EPHA4: variants seen among roughly 807,000 people sequenced by gnomAD.
The protein encoded by EPHA4 is EPH receptor A4.
In EPHA4, 19 loss-of-function variants were observed where a neutral mutation model predicts 108.3. The observed-to-expected ratio is 0.18, with a 90% CI of 0.12 to 0.26. The LOEUF is 0.26. Among genes scored for constraint, EPHA4 ranks in the 10% least tolerant of loss-of-function variants. The pLI, the probability that EPHA4 is intolerant of heterozygous loss-of-function variation, is 1.00. For missense variants in EPHA4, 917 were observed against 1,254.0 expected, an observed-to-expected ratio of 0.73 and a Z score of 4.06; for synonymous variants, 449 against 455.5, an observed-to-expected ratio of 0.99 and a Z score of 0.18.
At chr2:221,523,039 A>T (rs189493169) in intron 3 of EPHA4, among the ~76,000 whole-genome samples, 48 of 152,264 alleles carry the variant, frequency 3.2e-4, no homozygotes, top group Middle Eastern at 6.8e-3. Flanking sequence ...CTGGGATTAC[A>T]GGTGTGAGCC....
chr2:221,470,692 T>C (rs1691456101), intron 5 of EPHA4, among the ~76,000 whole-genome samples: 1 of 151,974 alleles, frequency 6.6e-6, no homozygotes, highest in African/African-American at 2.4e-5. Flanking sequence ...GCTTGCTATG[T>C]AGACAAGTGT....
chr2:221,455,964 T>C (rs1690936238), intron 7 of EPHA4, among the ~76,000 whole-genome samples: 1 of 152,218 alleles, frequency 6.6e-6, no homozygotes, highest in Non-Finnish European at 1.5e-5. Flanking sequence ...TATTTAATAA[T>C]TTGTGAACAA....
chr2:221,456,523 C>T lies in EPHA4; in HGVS notation c.1603+90G>A. 6 of 1,385,040 alleles carry T rather than the reference C, an allele frequency of 4.3e-6. 1 individual carries two copies. The highest frequency in any genetic ancestry group is 4.7e-5 in the East Asian group (2 of 42,226). 85.8% of individuals were successfully genotyped at this position (1,385,040 alleles called of 1,614,324 possible). A position where few individuals can be genotyped will look rare whatever the true frequency, so the allele number is the denominator to read the frequency against. On this transcript the variant is annotated intron_variant, in intron 7 of 17. Transcript: ENST00000281821. Reference sequence around the variant, plus strand: ...AAAATGTCTGCTGAACCAAAAATTACAGACAACTCCTTAGATTTCACTGTA... The same window carrying T: ...AAAATGTCTGCTGAACCAAAAATTATAGACAACTCCTTAGATTTCACTGTA...
At chr2:221,492,474 C>T (rs990302902) in intron 4 of EPHA4, among the ~76,000 whole-genome samples, 2 of 152,138 alleles carry the variant, frequency 1.3e-5, no homozygotes, top group Non-Finnish European at 2.9e-5. Context: ...TGGGGTCTAT[C>T]TAGTGCCTTC....
At chr2:221,463,837 A>G (rs1001252787) in intron 5 of EPHA4, among the ~76,000 whole-genome samples, 2 of 152,216 alleles carry the variant, frequency 1.3e-5, no homozygotes, top group Admixed American at 6.5e-5. Context: ...AAAGCTTCAC[A>G]TGGTTCCTGA....
intron 13 of EPHA4, among the ~76,000 whole-genome samples, chr2:221,436,067 G>C (rs1045627895): frequency 2.0e-5 from 3 of 151,806 alleles, no homozygotes; most frequent in African/African-American, 7.3e-5. Flanking sequence ...GATCCTTAAT[G>C]CTTGCTTCTC....
intron 5 of EPHA4, among the ~76,000 whole-genome samples, chr2:221,461,273 T>G (rs996686276): frequency 6.6e-6 from 1 of 152,212 alleles, no homozygotes; most frequent in East Asian, 1.9e-4. Context: ...TTGGTATGTT[T>G]CCACACTTTG....
At chr2:221,522,767 A>T (rs377307503) in intron 3 of EPHA4, among the ~76,000 whole-genome samples, 3,069 of 100,942 alleles carry the variant, frequency 0.03, 88 homozygotes, top group Admixed American at 0.089. Flanking sequence ...TATTATTATT[A>T]TTATTATTTT....
At chr2:221,553,787 G>C (rs146200896) in intron 3 of EPHA4, among the ~76,000 whole-genome samples, 7 of 152,136 alleles carry the variant, frequency 4.6e-5, no homozygotes, top group African/African-American at 1.7e-4. Flanking sequence ...GCTTTGAAGC[G>C]CATTAGTCTG....
At chr2:221,535,558 T>A (rs1007575439) in intron 3 of EPHA4, among the ~76,000 whole-genome samples, 3 of 152,174 alleles carry the variant, frequency 2.0e-5, no homozygotes, top group African/African-American at 7.2e-5. Context: ...GCATCAATTA[T>A]GCCAAATCAA....
At chr2:221,550,911 C>A (rs889741311) in intron 3 of EPHA4, among the ~76,000 whole-genome samples, 2 of 151,688 alleles carry the variant, frequency 1.3e-5, no homozygotes, top group Non-Finnish European at 2.9e-5. Context: ...GCAACATAAC[C>A]AAGATAAATA....
At chr2:221,569,123 A>T (rs1694754907) in intron 1 of EPHA4, among the ~76,000 whole-genome samples, 1 of 152,218 alleles carries the variant, frequency 6.6e-6, no homozygotes, top group East Asian at 1.9e-4. Context: ...CCAGAGCAAA[A>T]TCTGCATTCA....
intron 5 of EPHA4, among the ~76,000 whole-genome samples, chr2:221,462,612 T>G (rs1491003765): frequency 2.0e-5 from 3 of 152,222 alleles, no homozygotes; most frequent in African/African-American, 7.2e-5. Context: ...AAAACAACTT[T>G]CCATCTGCAC....
In EPHA4 at chr2:221,474,332, G is replaced by A. The variant is rs112810335; in HGVS notation, c.1318+8020C>T. ...TTATTTTTAATTACGATCATAATTA[G>A]TGAGTATGCTTATTAATTATAGTGG... On this transcript the variant is annotated intron_variant, in intron 5 of 17. Coordinates refer to ENST00000281821, the MANE Select transcript of EPHA4 (RefSeq NM_004438.5). 2.7e-3 allele frequency among the ~76,000 whole-genome samples: 402 copies of A among 151,260 alleles called. 1 individual carries two copies. Among genetic ancestry groups the A allele is most frequent in the Non-Finnish European group, 4.5e-3 (303 of 67,952 alleles).
At chr2:221,498,031 TAC>T (rs1336105646) in intron 4 of EPHA4, among the ~76,000 whole-genome samples, 1 of 152,222 alleles carries the variant, frequency 6.6e-6, no homozygotes, top group Non-Finnish European at 1.5e-5. Flanking sequence ...AGGGCTCAAC[TAC>T]CACAGCCTTA....
In EPHA4 at chr2:221,552,513, T is replaced by A. The variant is rs531625576; in HGVS notation, c.823+11218A>T. Among the ~76,000 whole-genome samples, 3 of 152,276 alleles carry A rather than the reference T, an allele frequency of 2.0e-5. No homozygotes were observed. The South Asian group carries it at 6.2e-4, about 32-fold the overall frequency. On this transcript the variant is annotated intron_variant, in intron 3 of 17. Transcript: ENST00000281821. ...CTCCTAGGGTTCTTCAAAACTCTTC[T>A]CCCTTGGAAGAGTGCGAGGAGGGTA...
At chr2:221,427,461 TA>T (rs1225362856) in intron 15 of EPHA4, among the ~76,000 whole-genome samples, 1 of 152,222 alleles carries the variant, frequency 6.6e-6, no homozygotes, top group African/African-American at 2.4e-5. Flanking sequence ...CATTTACTAA[TA>T]AAAACTATTA....
chr2:221,554,684 T>C (rs1036313235), intron 3 of EPHA4, among the ~76,000 whole-genome samples: 3 of 152,204 alleles, frequency 2.0e-5, no homozygotes, highest in Admixed American at 6.5e-5. Context: ...AAGAATTTTA[T>C]CTGGGGACAT....
At chr2:221,518,030 G>C (rs1693041237) in intron 3 of EPHA4, among the ~76,000 whole-genome samples, 1 of 152,230 alleles carries the variant, frequency 6.6e-6, no homozygotes, top group Non-Finnish European at 1.5e-5. Context: ...TTAGGTAGCT[G>C]CTGGTGTGGG....
Sources: allele counts gnomAD v4.1 joint callset (sites outside exome capture counted in the v4.1 genomes callset), GRCh38; gene constraint gnomAD v4.1.1; transcripts MANE v1.5; gene names NCBI Gene and HGNC (gene_info 2026-07-23, HGNC 2026-07-21).